GATB: variants seen among roughly 807,000 people sequenced by gnomAD.
GATB encodes glutamyl-tRNA amidotransferase subunit B.
GATB carries 39 observed loss-of-function variants against 62.3 expected under a neutral mutation model. The ratio of observed to expected loss-of-function variants is 0.63; its 90% confidence interval spans 0.48 to 0.82. The LOEUF (loss-of-function observed/expected upper bound fraction) is 0.82. Among genes scored for constraint, GATB ranks in the 40% least tolerant of loss-of-function variants. The pLI, the probability that GATB is intolerant of heterozygous loss-of-function variation, is 0.00. For synonymous variants in GATB, 276 were observed against 258.9 expected (o/e 1.07, Z -0.63); for missense variants, 670 against 684.0 (o/e 0.98, Z 0.23).
chr4:151,697,985 A>ATG (rs1364348405), intron 9 of GATB, among the ~76,000 whole-genome samples: 5 of 138,286 alleles, frequency 3.6e-5, no homozygotes, highest in African/African-American at 1.4e-4. Flanking sequence ...ATATATATAT[A>ATG]TATATATATG....
At chr4:151,739,917 T>G (rs1367305017) in intron 2 of GATB, among the ~76,000 whole-genome samples, 1 of 152,222 alleles carries the variant, frequency 6.6e-6, no homozygotes, top group African/African-American at 2.4e-5. Flanking sequence ...ATGCCCACAA[T>G]GATGGGACAG....
Position 151,703,939 on chromosome 4 carries a change from C to T in GATB, c.963-44G>A, listed in dbSNP as rs766433008. ...AAAACATTAAACATTGAAAGCAGCACTGGCCAGCCTATATGTGGGGAAGGG... is the reference window on the plus strand; with the variant it reads ...AAAACATTAAACATTGAAAGCAGCATTGGCCAGCCTATATGTGGGGAAGGG... On this transcript the variant is annotated intron_variant, in intron 7 of 12. Coordinates refer to ENST00000263985, the MANE Select transcript of GATB (RefSeq NM_004564.3). 35 of 1,422,588 alleles carry T rather than the reference C, an allele frequency of 2.5e-5. No individual in the cohort carries two copies. In the Middle Eastern group the frequency reaches 7.0e-4, roughly 28 times the overall value. The allele number at this position is 1,422,588 out of a possible 1,614,324, so 88.1% of individuals were successfully genotyped here.
At chr4:151,698,846 A>T (rs1738540629) in intron 9 of GATB, among the ~76,000 whole-genome samples, 2 of 152,282 alleles carry the variant, frequency 1.3e-5, no homozygotes, top group African/African-American at 4.8e-5. Flanking sequence ...TATCAAAAAA[A>T]GTCCTTTCAA....
intron 10 of GATB, among the ~76,000 whole-genome samples, chr4:151,685,002 C>T (rs1738215422): frequency 6.6e-6 from 1 of 152,200 alleles, no homozygotes; most frequent in Non-Finnish European, 1.5e-5. Flanking sequence ...GTGGCTGTGC[C>T]ATCTGAGGCA....
At chr4:151,721,694 TG>T (rs1034158875) in intron 2 of GATB, 5 of 154,794 alleles carry the variant, frequency 3.2e-5, no homozygotes, top group Admixed American at 6.5e-5. Flanking sequence ...TCATTCCCTC[TG>T]CTTTCCTAAC....
At chr4:151,729,916 G>A (rs992294899) in intron 2 of GATB, among the ~76,000 whole-genome samples, 6 of 152,172 alleles carry the variant, frequency 3.9e-5, no homozygotes, top group East Asian at 1.9e-4. Context: ...AGCAGCATGC[G>A]GAGGCTTGCA....
chr4:151,735,624 A>G (rs1359260409), intron 2 of GATB, among the ~76,000 whole-genome samples: 1 of 150,254 alleles, frequency 6.7e-6, no homozygotes, highest in African/African-American at 2.5e-5. Context: ...TCATTATTTG[A>G]AAAAAAAAGA....
In GATB at chr4:151,704,953, T is replaced by C. The variant is rs1026792543; in HGVS notation, c.962+232A>G. On this transcript the variant is annotated intron_variant, in intron 7 of 12. Coordinates refer to ENST00000263985, the MANE Select transcript of GATB (RefSeq NM_004564.3). The stretch of plus-strand genomic sequence containing the variant: ...TTTTAGTAGAGACAGGATTTCACCA[T>C]GTTAGCCAGGATGGTCTCGATCTCC... Among the ~76,000 whole-genome samples, 3 of 151,948 alleles carry C rather than the reference T, an allele frequency of 2.0e-5. No homozygotes were observed. In the South Asian group the frequency reaches 6.2e-4, roughly 32 times the overall value.
At chr4:151,759,688 GT>G (rs960740933) in intron 1 of GATB, among the ~76,000 whole-genome samples, 2 of 152,046 alleles carry the variant, frequency 1.3e-5, no homozygotes, top group Non-Finnish European at 2.9e-5. Flanking sequence ...ACTCTGTTGG[GT>G]CTGTACATAG....
chr4:151,729,103 T>C (rs1286526816), intron 2 of GATB, among the ~76,000 whole-genome samples: 1 of 152,168 alleles, frequency 6.6e-6, no homozygotes, highest in Non-Finnish European at 1.5e-5. Context: ...GGAATGCATA[T>C]AGCATCATCT....
chr4:151,708,516 A>G (rs905319912), intron 5 of GATB, among the ~76,000 whole-genome samples: 2 of 152,204 alleles, frequency 1.3e-5, no homozygotes, highest in Non-Finnish European at 2.9e-5. Flanking sequence ...AAGGCCTCAT[A>G]TATCTGATAA....
At chr4:151,725,192 GCAGAGCAAAGGCGAAATACCCTCTTGCT>G (rs1739114004) in intron 2 of GATB, among the ~76,000 whole-genome samples, 1 of 152,206 alleles carries the variant, frequency 6.6e-6, no homozygotes, top group South Asian at 2.1e-4. Context: ...GTTGCTGGAG[GCAGAGCAAAGGCGAAATACCCTCTTGCT>G]CCTTTCCTCC....
chr4:151,704,833 C>A (rs1168072493), intron 7 of GATB, among the ~76,000 whole-genome samples: 1 of 152,048 alleles, frequency 6.6e-6, no homozygotes, highest in Admixed American at 6.5e-5. Flanking sequence ...ACTGCAAGCG[C>A]CGCCTCCCGG....
chr4:151,691,016 T>G (rs979066194), intron 9 of GATB, among the ~76,000 whole-genome samples: 1 of 152,218 alleles, frequency 6.6e-6, no homozygotes, highest in Non-Finnish European at 1.5e-5. Flanking sequence ...TCTAGTTTCC[T>G]CATCTTCTTA....
chr4:151,732,721 A>AT (rs1739294348), intron 2 of GATB, among the ~76,000 whole-genome samples: 1 of 151,688 alleles, frequency 6.6e-6, no homozygotes, highest in Non-Finnish European at 1.5e-5. Flanking sequence ...CAATAAAAAA[A>AT]AAAAAAAAAA....
intron 9 of GATB, among the ~76,000 whole-genome samples, chr4:151,697,967 A>ATATGTGTGTATATATATATGTG (rs1553967154): frequency 9.8e-6 from 1 of 101,872 alleles, no homozygotes; most frequent in East Asian, 3.3e-4. Context: ...ATATATATAT[A>ATATGTGTGTATATATATATGTG]TATATATATA....
At chr4:151,704,462 T>G (rs1275227685) in intron 7 of GATB, among the ~76,000 whole-genome samples, 1 of 152,146 alleles carries the variant, frequency 6.6e-6, no homozygotes, top group African/African-American at 2.4e-5. Context: ...TTTCTTTTTT[T>G]TTTTTCTTTG....
chr4:151,719,548 C>T lies in GATB; in HGVS notation c.328-10G>A. On this transcript the variant is annotated splice_polypyrimidine_tract_variant and intron_variant, in intron 2 of 12. Transcript: ENST00000263985. ...ACCTCCTGTTGAGAACCTATGGGAA[C>T]ACAACACACAGTTCCTCTCAGAACC... 1.3e-6 allele frequency: 2 copies of T among 1,571,090 alleles called. No homozygotes were observed. The highest frequency in any genetic ancestry group is 1.4e-5 in the African/African-American group (1 of 73,220).
At chr4:151,686,652 G>GCCCCCCCCCCCCCCCCCCC (rs374250502) in intron 10 of GATB, among the ~76,000 whole-genome samples, 1 of 70,922 alleles carries the variant, frequency 1.4e-5, no homozygotes, top group Non-Finnish European at 2.7e-5. Flanking sequence ...TCCCCGCCCC[G>GCCCCCCCCCCCCCCCCCCC]CCCCCCCCCC....
Sources: allele counts gnomAD v4.1 joint callset (sites outside exome capture counted in the v4.1 genomes callset), GRCh38; gene constraint gnomAD v4.1.1; transcripts MANE v1.5; gene names NCBI Gene and HGNC (gene_info 2026-07-23, HGNC 2026-07-21).